The following IL23R variants were observed in gnomAD, a reference collection of about 807,000 sequenced individuals.
IL23R encodes the protein interleukin 23 receptor.
In IL23R, 34 loss-of-function variants were observed where a neutral mutation model predicts 56.9. The ratio of observed to expected loss-of-function variants is 0.60; its 90% confidence interval spans 0.45 to 0.80. IL23R has a LOEUF of 0.80. IL23R is among the 30% of genes least tolerant of loss of function. IL23R has a pLI of 0.00. For synonymous variants in IL23R, 230 were observed against 249.2 expected (o/e 0.92, Z 0.73); for missense variants, 635 against 730.0 (o/e 0.87, Z 1.50).
chr1:67,150,248 CTTTT>C (rs552806817), intron 1 of IL23R, among the ~76,000 whole-genome samples: 16 of 110,240 alleles, frequency 1.5e-4, no homozygotes, highest in Admixed American at 5.1e-4. Flanking sequence ...GCATTTCGAA[CTTTT>C]TTTTTTTTTT....
Position 67,201,335 on chromosome 1 carries a change from G to A in IL23R, c.652+438G>A, listed in dbSNP as rs559735246. On this transcript the variant is annotated intron_variant, in intron 5 of 10. Transcript: ENST00000347310. Reference sequence around the variant, plus strand: ...AGGCAGGAGAATTGCTTGAATCTGGGAGGCAGAGGTTGCAGTGAGCCAAGA... The same window carrying A: ...AGGCAGGAGAATTGCTTGAATCTGGAAGGCAGAGGTTGCAGTGAGCCAAGA... 3.6e-3 allele frequency among the ~76,000 whole-genome samples: 553 copies of A among 151,678 alleles called. 2 individuals carry two copies. The highest frequency in any genetic ancestry group is 0.013 in the African/African-American group (539 of 41,252).
intron 7 of IL23R, among the ~76,000 whole-genome samples, chr1:67,233,288 C>T (rs1651229810): frequency 6.7e-6 from 1 of 148,786 alleles, no homozygotes; most frequent in African/African-American, 2.5e-5. Context: ...ATTGCTAGAA[C>T]CCAGGAGGCA....
intron 7 of IL23R, among the ~76,000 whole-genome samples, chr1:67,225,100 G>A (rs1462588177): frequency 6.6e-6 from 1 of 152,190 alleles, no homozygotes; most frequent in Non-Finnish European, 1.5e-5. Context: ...AGACCTAGGA[G>A]GGTCCTGCAT....
chr1:67,224,262 A>G (rs1272759710), intron 7 of IL23R, among the ~76,000 whole-genome samples: 1 of 152,240 alleles, frequency 6.6e-6, no homozygotes, highest in Non-Finnish European at 1.5e-5. Flanking sequence ...TTGCCTCACA[A>G]ATGAAAAAAT....
intron 6 of IL23R, among the ~76,000 whole-genome samples, chr1:67,211,656 T>C (rs1324320497): frequency 1.3e-5 from 2 of 152,132 alleles, no homozygotes; most frequent in African/African-American, 4.8e-5. Context: ...CAAATCCTCT[T>C]ACTTCATGCA....
At chr1:67,194,809 C>T (rs931780106) in intron 4 of IL23R, among the ~76,000 whole-genome samples, 1 of 152,134 alleles carries the variant, frequency 6.6e-6, no homozygotes, top group Non-Finnish European at 1.5e-5. Flanking sequence ...CATTTGAATT[C>T]TTACTTAGCA....
chr1:67,173,036 C>A (rs1646962544), intron 3 of IL23R, among the ~76,000 whole-genome samples: 1 of 152,056 alleles, frequency 6.6e-6, no homozygotes, highest in Non-Finnish European at 1.5e-5. Flanking sequence ...TAACAAGAAA[C>A]CTGGCCTGTG....
intron 3 of IL23R, among the ~76,000 whole-genome samples, chr1:67,173,389 A>C (rs1646968314): frequency 6.6e-6 from 1 of 152,186 alleles, no homozygotes; most frequent in Non-Finnish European, 1.5e-5. Flanking sequence ...AACACAGCCC[A>C]AACAATCTGA....
chr1:67,153,905 A>G (rs1646749955), intron 1 of IL23R, among the ~76,000 whole-genome samples: 1 of 152,084 alleles, frequency 6.6e-6, no homozygotes, highest in African/African-American at 2.4e-5. Flanking sequence ...AGCTGGGACT[A>G]CAGGCGCCTG....
chr1:67,234,735 T>C (rs1196017782), intron 7 of IL23R, among the ~76,000 whole-genome samples: 20 of 106,236 alleles, frequency 1.9e-4, no homozygotes, highest in Non-Finnish European at 2.9e-4. Context: ...TGAGATGGAG[T>C]CTTGTTCTGT....
At chr1:67,258,365 A>G in intron 10 of IL23R, 113 bp from the exon 11 acceptor site, 1 of 715,238 alleles carries the variant, frequency 1.4e-6, no homozygotes, top group Non-Finnish European at 2.3e-6. Flanking sequence ...AATATGAGAA[A>G]ATGGAGGGAG....
chr1:67,142,280 T>C (rs2064691), intron 1 of IL23R, among the ~76,000 whole-genome samples: 134,024 of 152,162 alleles, frequency 0.88, 59,097 homozygotes, highest in East Asian at 1. Context: ...TTAAAAAGAA[T>C]ATTTTTATAA....
rs1570801451 is a variant in IL23R, at chr1:67,182,734, G to T, written c.368-102G>T. 3.3e-6 allele frequency: 4 copies of T among 1,212,008 alleles called. No homozygotes were observed. In the East Asian group the frequency reaches 9.5e-5, roughly 29 times the overall value. The allele number at this position is 1,212,008 out of a possible 1,614,324, so 75.1% of individuals were successfully genotyped here. On this transcript the variant is annotated intron_variant, in intron 3 of 10. Transcript: ENST00000347310. ...GTTCGTCTTCTGCATCATTCACGCTGGGAGCTGTAGACTGGAGCTGTTCCT... is the reference window on the plus strand; with the variant it reads ...GTTCGTCTTCTGCATCATTCACGCTTGGAGCTGTAGACTGGAGCTGTTCCT...
intron 7 of IL23R, among the ~76,000 whole-genome samples, chr1:67,221,503 ATTAGT>A: frequency 6.6e-6 from 1 of 152,326 alleles, no homozygotes; most frequent in South Asian, 2.1e-4. Flanking sequence ...TTCTAATATT[ATTAGT>A]TTAATTTTAT....
At chr1:67,210,391 G>T (rs141699803) in intron 6 of IL23R, among the ~76,000 whole-genome samples, 2 of 151,982 alleles carry the variant, frequency 1.3e-5, no homozygotes, top group Admixed American at 6.6e-5. Context: ...ATTTTTAAGC[G>T]TAACAAACTG....
At chr1:67,227,204 A>G (rs1570888193) in intron 7 of IL23R, among the ~76,000 whole-genome samples, 2 of 152,374 alleles carry the variant, frequency 1.3e-5, no homozygotes, top group South Asian at 4.1e-4. Context: ...TAAATTTGCT[A>G]CTACTGACTT....
rs751112228 is a variant in IL23R, at chr1:67,168,203, A to T, written c.70+13A>T. ...TGGTGTCATGGAGGTATGGTGTTTTATGTATCTATTGCTATCTTTCATTCA... is the reference window on the plus strand; with the variant it reads ...TGGTGTCATGGAGGTATGGTGTTTTTTGTATCTATTGCTATCTTTCATTCA... On this transcript the variant is annotated intron_variant, in intron 2 of 10. Coordinates refer to ENST00000347310, the MANE Select transcript of IL23R (RefSeq NM_144701.3). The T allele has an allele frequency of 6.4e-7, 1 of 1,562,994 alleles. No individual in the cohort carries two copies. Among genetic ancestry groups the T allele is most frequent in the South Asian group, 1.1e-5 (1 of 89,968 alleles).
At chr1:67,207,765 G>A (rs2102639552) in intron 6 of IL23R, 1 of 206,910 alleles carries the variant, frequency 4.8e-6, no homozygotes, top group East Asian at 1.4e-4. Flanking sequence ...CATGAAAATG[G>A]ATTAATACAG....
At chr1:67,152,543 A>G (rs756027093) in intron 1 of IL23R, among the ~76,000 whole-genome samples, 20 of 152,204 alleles carry the variant, frequency 1.3e-4, no homozygotes, top group Non-Finnish European at 7.3e-5. Flanking sequence ...TTCCAAGGGA[A>G]TGATTCCAGC....
Sources: allele counts gnomAD v4.1 joint callset (sites outside exome capture counted in the v4.1 genomes callset), GRCh38; gene constraint gnomAD v4.1.1; transcripts MANE v1.5; gene names NCBI Gene and HGNC (gene_info 2026-07-23, HGNC 2026-07-21).